The following ZC2HC1B variants were observed in gnomAD, a reference collection of about 807,000 sequenced individuals.
The protein encoded by ZC2HC1B is zinc finger C2HC-type containing 1B, also known as zinc finger C2HC domain-containing protein 1B.
A neutral mutation model predicts 31.0 loss-of-function variants in ZC2HC1B; 36 were observed. The observed-to-expected ratio is 1.16, with a 90% CI of 0.89 to 1.54. ZC2HC1B has a LOEUF of 1.54. Among genes scored for constraint, ZC2HC1B ranks in the 40% most tolerant of loss-of-function variants. ZC2HC1B has a pLI of 0.00. For missense variants in ZC2HC1B, 260 were observed against 268.6 expected (o/e 0.97, Z 0.22); for synonymous variants, 73 against 88.0 (o/e 0.83, Z 0.95).
chr6:143,886,621 A>G lies in ZC2HC1B; in HGVS notation c.211-62A>G. 7.3e-7 allele frequency: 1 copy of G among 1,378,086 alleles called. No individual in the cohort carries two copies. Among genetic ancestry groups the G allele is most frequent in the Non-Finnish European group, 9.4e-7 (1 of 1,059,838 alleles). The allele number at this position is 1,378,086 out of a possible 1,614,324, so 85.4% of individuals were successfully genotyped here. A position where few individuals can be genotyped will look rare whatever the true frequency, so the allele number is the denominator to read the frequency against. ...CTGTGAATTCAAATTCCAGCTTTAA[A>G]CAAAATTGTAATGGAGAGGTATATA... On this transcript the variant is annotated intron_variant, in intron 3 of 7. Transcript: ENST00000237275. The surrounding 1 kb of genome is among the most constrained non-coding windows in gnomAD (Gnocchi z 4.2).
In ZC2HC1B at chr6:143,895,726, A is replaced by G. The variant is rs114011545; in HGVS notation, c.350-2826A>G. Among the ~76,000 whole-genome samples the G allele has an allele frequency of 7.7e-3, 1,176 of 152,318 alleles. 12 individuals carry two copies. The highest frequency in any genetic ancestry group is 0.027 in the African/African-American group (1,120 of 41,572). ...TTTTTCTATGAGGCCTGGGACATTCAGTTACCATTTTGCATAGCTACATAG... is the reference window on the plus strand; with the variant it reads ...TTTTTCTATGAGGCCTGGGACATTCGGTTACCATTTTGCATAGCTACATAG... On this transcript the variant is annotated intron_variant, in intron 4 of 7. Coordinates refer to ENST00000237275, the MANE Select transcript of ZC2HC1B (RefSeq NM_001013623.3). The surrounding 1 kb of genome is among the most constrained non-coding windows in gnomAD (Gnocchi z 4.8).
intron 1 of ZC2HC1B, among the ~76,000 whole-genome samples, chr6:143,873,981 A>G (rs1777376874): frequency 6.6e-6 from 1 of 152,172 alleles, no homozygotes; most frequent in Non-Finnish European, 1.5e-5. Flanking sequence ...TTCCTTTTCT[A>G]CTGCATCATC....
At chr6:143,878,137 G>A (rs1214692404) in intron 1 of ZC2HC1B, among the ~76,000 whole-genome samples, 1 of 150,850 alleles carries the variant, frequency 6.6e-6, no homozygotes, top group African/African-American at 2.4e-5. Flanking sequence ...GTCATTTGCA[G>A]ACATGCACAT....
rs1270233347 is a variant in ZC2HC1B, at chr6:143,903,016, C to T, written c.490-28C>T. ...TGAGGTTACATACAGAAGGTGTTCT[C>T]TTTGTCTCTTTCTTTCTCTCTCTGT... is the stretch of plus-strand genomic sequence containing the variant. On this transcript the variant is annotated intron_variant, in intron 5 of 7. Coordinates refer to ENST00000237275, the MANE Select transcript of ZC2HC1B (RefSeq NM_001013623.3). This position sits in a 1 kb window ranked among gnomAD's most constrained non-coding sequence, Gnocchi z 4.3. 6.5e-7 allele frequency: 1 copy of T among 1,548,934 alleles called. No individual in the cohort carries two copies. Among genetic ancestry groups the T allele is most frequent in the African/African-American group, 1.4e-5 (1 of 72,960 alleles).
chr6:143,894,308 G>A (rs1478111915), intron 4 of ZC2HC1B, among the ~76,000 whole-genome samples: 2 of 152,210 alleles, frequency 1.3e-5, no homozygotes, highest in African/African-American at 2.4e-5. Context: ...ATAATTGGCT[G>A]CCTGAGACTG....
Position 143,929,283 on chromosome 6 carries a change from C to T in ZC2HC1B, c.599-8366C>T, listed in dbSNP as rs11966418. The stretch of plus-strand genomic sequence containing the variant: ...CCTTCTATGCCTTGTTTGTTGAGGG[C>T]ATCATGATAGGATGGTCAATTTTAT... On this transcript the variant is annotated intron_variant, in intron 6 of 7. Transcript: ENST00000237275. 5.6e-3 allele frequency among the ~76,000 whole-genome samples: 858 copies of T among 151,936 alleles called. 6 individuals are homozygous for T. Among genetic ancestry groups the T allele is most frequent in the African/African-American group, 0.02 (814 of 41,532 alleles).
At chr6:143,914,891 T>G (rs894702548) in intron 6 of ZC2HC1B, among the ~76,000 whole-genome samples, 1 of 152,228 alleles carries the variant, frequency 6.6e-6, no homozygotes, top group South Asian at 2.1e-4. Context: ...TCTATTTTTG[T>G]CTTTGGATCT....
At chr6:143,936,646 G>T (rs751100821) in intron 6 of ZC2HC1B, among the ~76,000 whole-genome samples, 3 of 152,142 alleles carry the variant, frequency 2.0e-5, no homozygotes, top group African/African-American at 4.8e-5. Context: ...TGAGATCTTC[G>T]TACAGAGACT....
At chr6:143,874,148 C>T (rs993231214) in intron 1 of ZC2HC1B, among the ~76,000 whole-genome samples, 1 of 152,184 alleles carries the variant, frequency 6.6e-6, no homozygotes, top group African/African-American at 2.4e-5. Flanking sequence ...CCACAAATCT[C>T]TAGGGCGGGG....
rs967354122 is a variant in ZC2HC1B, at chr6:143,905,713, T to G, written c.598+2561T>G. Among the ~76,000 whole-genome samples, 2 of 152,206 alleles carry G rather than the reference T, an allele frequency of 1.3e-5. No individual in the cohort carries two copies. The highest frequency in any genetic ancestry group is 4.8e-5 in the African/African-American group (2 of 41,446). On this transcript the variant is annotated intron_variant, in intron 6 of 7. Transcript: ENST00000237275. This position sits in a 1 kb window ranked among gnomAD's most constrained non-coding sequence, Gnocchi z 4.2. ...GGTTTTACATGTATGGTTTTTATTA[T>G]GTTGAGGTAGTTTCCTTCTATTCTT...
intron 6 of ZC2HC1B, among the ~76,000 whole-genome samples, chr6:143,920,263 C>T (rs1019344828): frequency 7.2e-5 from 11 of 152,090 alleles, no homozygotes; most frequent in Non-Finnish European, 1.5e-4. Flanking sequence ...CAAATCAACA[C>T]GAGGGTCTAG....
chr6:143,937,797 G>A, intron 7 of ZC2HC1B, 64 bp downstream of exon 7: 2 of 1,246,160 alleles, frequency 1.6e-6, no homozygotes, highest in African/African-American at 1.5e-5. Flanking sequence ...TTAAGAGAAT[G>A]GATGCATAGT....
chr6:143,935,960 G>A (rs9321948), intron 6 of ZC2HC1B, among the ~76,000 whole-genome samples: 98,182 of 151,904 alleles, frequency 0.65, 32,227 homozygotes, highest in South Asian at 0.78. Context: ...TCTTTTTTAA[G>A]TAATATCTAC....
Position 143,915,530 on chromosome 6 carries a change from C to G in ZC2HC1B, c.598+12378C>G, listed in dbSNP as rs1167226779. ...GGCAGAGGTTGGAACAGTTTGGAGG[C>G]CTCAGAAAAAGGCAGGAAAATGTGA... is the stretch of plus-strand genomic sequence containing the variant. On this transcript the variant is annotated intron_variant, in intron 6 of 7. Transcript: ENST00000237275. This position sits in a 1 kb window ranked among gnomAD's most constrained non-coding sequence, Gnocchi z 5.2. Among the ~76,000 whole-genome samples, 2 of 152,122 alleles carry G rather than the reference C, an allele frequency of 1.3e-5. No individual in the cohort carries two copies. The highest frequency in any genetic ancestry group is 6.6e-5 in the Admixed American group (1 of 15,266).
At chr6:143,894,139 G>GA (rs1777634720) in intron 4 of ZC2HC1B, among the ~76,000 whole-genome samples, 1 of 152,016 alleles carries the variant, frequency 6.6e-6, no homozygotes, top group African/African-American at 2.4e-5. Context: ...GGAAACAACT[G>GA]AAAATGTCTA....
At chr6:143,873,393 C>A (rs534529921) in intron 1 of ZC2HC1B, among the ~76,000 whole-genome samples, 2 of 152,308 alleles carry the variant, frequency 1.3e-5, no homozygotes, top group East Asian at 3.9e-4. Flanking sequence ...CCACACAGTT[C>A]AAGCTGTCAG....
rs765391468 is a variant in ZC2HC1B, at chr6:143,864,532, G to C, written c.-8G>C. 4.9e-5 allele frequency: 76 copies of C among 1,551,494 alleles called. No individual in the cohort carries two copies. Among genetic ancestry groups the C allele is most frequent in the Non-Finnish European group, 6.3e-5 (72 of 1,146,938 alleles). The stretch of plus-strand genomic sequence containing the variant: ...CTGTGAACACTGTTGCTCTGAGTTA[G>C]GAACAGAATGGCTGGGGCAGAACCA... On this transcript the variant is annotated 5_prime_UTR_variant, in exon 1 of 8. Transcript: ENST00000237275.
rs1452080695 is a variant in ZC2HC1B, at chr6:143,871,821, T to C, written c.28+7254T>C. Among the ~76,000 whole-genome samples, 2 of 152,182 alleles carry C rather than the reference T, an allele frequency of 1.3e-5. No homozygotes were observed. The highest frequency in any genetic ancestry group is 6.5e-5 in the Admixed American group (1 of 15,276). Reference sequence around the variant, plus strand: ...ACCAATCAGGGAGCCAATGTGGGGGTTCTGCCAGCTGCTAAGTATGTCTAT... The same window carrying C: ...ACCAATCAGGGAGCCAATGTGGGGGCTCTGCCAGCTGCTAAGTATGTCTAT... On this transcript the variant is annotated intron_variant, in intron 1 of 7. Transcript: ENST00000237275. The surrounding 1 kb of genome is among the most constrained non-coding windows in gnomAD (Gnocchi z 4.1).
rs1777314095 is a variant in ZC2HC1B at position 143,869,755 on chromosome 6, G to A, written c.28+5188G>A. Among the ~76,000 whole-genome samples, 1 of 152,192 alleles carries A rather than the reference G, an allele frequency of 6.6e-6. No individual in the cohort carries two copies. Among genetic ancestry groups the A allele is most frequent in the South Asian group, 2.1e-4 (1 of 4,828 alleles). ...GGTCTCAGTGTTGGTCTCTGCTGCTGGCAAATTGGGCACTCAGCAGTGGCT... is the reference window on the plus strand; with the variant it reads ...GGTCTCAGTGTTGGTCTCTGCTGCTAGCAAATTGGGCACTCAGCAGTGGCT... On this transcript the variant is annotated intron_variant, in intron 1 of 7. Coordinates refer to ENST00000237275, the MANE Select transcript of ZC2HC1B (RefSeq NM_001013623.3). This position sits in a 1 kb window ranked among gnomAD's most constrained non-coding sequence, Gnocchi z 5.2.
Sources: gnomAD v4.1 joint callset for allele counts (sites outside exome capture counted in the v4.1 genomes callset) on GRCh38, gnomAD v4.1.1 for gene constraint, Gnocchi (gnomAD v3.1) non-coding constraint, MANE v1.5 for transcripts, NCBI Gene and HGNC (gene_info 2026-07-23, HGNC 2026-07-21) for gene names.